The following MAML3 variants were observed in gnomAD, a reference collection of about 807,000 sequenced individuals.
MAML3 encodes mastermind-like protein 3.
Under a neutral mutation model 101.9 loss-of-function variants are expected in MAML3, and 27 were observed. The ratio of observed to expected loss-of-function variants is 0.27; its 90% CI spans 0.20 to 0.37. The LOEUF is 0.37. Ranked by LOEUF, MAML3 falls within the 10% of genes least tolerant of loss-of-function variation. MAML3 has a pLI of 1.00. For missense variants in MAML3, 1,316 were observed against 1,444.9 expected, an observed-to-expected ratio of 0.91 and a Z score of 1.45; for synonymous variants, 501 against 555.9, an observed-to-expected ratio of 0.90 and a Z score of 1.39.
At chr4:140,094,234 A>T (rs1196059178) in intron 1 of MAML3, among the ~76,000 whole-genome samples, 1 of 152,190 alleles carries the variant, frequency 6.6e-6, no homozygotes, top group African/African-American at 2.4e-5. Flanking sequence ...CCCATCATGC[A>T]TGGAAAAGGT....
chr4:140,018,089 G>A (rs1578644829), intron 1 of MAML3, among the ~76,000 whole-genome samples: 1 of 152,066 alleles, frequency 6.6e-6, no homozygotes, highest in South Asian at 2.1e-4. Context: ...AAGTCTAATT[G>A]GGTTTCTACA....
At chr4:140,143,770 C>A (rs796319444) in intron 1 of MAML3, among the ~76,000 whole-genome samples, 2 of 152,032 alleles carry the variant, frequency 1.3e-5, no homozygotes, top group African/African-American at 4.8e-5. Flanking sequence ...CAAAAAAAGA[C>A]AACCGTTCAC....
intron 1 of MAML3, among the ~76,000 whole-genome samples, chr4:140,152,584 G>C (rs546296954): frequency 6.6e-6 from 1 of 151,828 alleles, no homozygotes; most frequent in African/African-American, 2.4e-5. Context: ...ACCTCACTCC[G>C]ACGCTCCTCT....
chr4:139,887,111 G>A (rs749290568), intron 2 of MAML3, among the ~76,000 whole-genome samples: 3 of 152,068 alleles, frequency 2.0e-5, no homozygotes, highest in East Asian at 1.9e-4. Context: ...CCTGTAATTC[G>A]TGCTCGTATT....
intron 2 of MAML3, among the ~76,000 whole-genome samples, chr4:139,762,088 G>T (rs1311469150): frequency 6.6e-6 from 1 of 152,212 alleles, no homozygotes; most frequent in Non-Finnish European, 1.5e-5. Flanking sequence ...TTGCATGGAT[G>T]AAGGACTCTT....
intron 2 of MAML3, among the ~76,000 whole-genome samples, chr4:139,739,147 C>T (rs1729066565): frequency 6.6e-6 from 1 of 152,178 alleles, no homozygotes; most frequent in Non-Finnish European, 1.5e-5. Context: ...GAATTCTAGC[C>T]TAAACCAACA....
At chr4:140,060,924 T>C (rs1271139309) in intron 1 of MAML3, among the ~76,000 whole-genome samples, 1 of 152,170 alleles carries the variant, frequency 6.6e-6, no homozygotes, top group Non-Finnish European at 1.5e-5. Context: ...CTAGCTGAAA[T>C]TCAGCAGAGC....
chr4:140,085,587 C>T (rs1405216451), intron 1 of MAML3, among the ~76,000 whole-genome samples: 2 of 152,188 alleles, frequency 1.3e-5, no homozygotes, highest in Admixed American at 6.5e-5. Context: ...ATGCAAACCT[C>T]TTAGAAGGGT....
At chr4:140,116,036 C>T (rs1016399348) in intron 1 of MAML3, among the ~76,000 whole-genome samples, 2 of 151,850 alleles carry the variant, frequency 1.3e-5, no homozygotes, top group African/African-American at 4.8e-5. Flanking sequence ...CTTTAAGATC[C>T]TTTAGTTGGT....
At chr4:139,825,010 A>T (rs1245732000) in intron 2 of MAML3, among the ~76,000 whole-genome samples, 1 of 152,084 alleles carries the variant, frequency 6.6e-6, no homozygotes. Context: ...CTAAAACCTC[A>T]GGGCAGCCCC....
intron 2 of MAML3, among the ~76,000 whole-genome samples, chr4:139,755,695 G>A (rs1729634236): frequency 1.3e-5 from 2 of 152,172 alleles, no homozygotes; most frequent in South Asian, 4.1e-4. Flanking sequence ...TCAGTATTAA[G>A]TAAACATTGA....
intron 1 of MAML3, among the ~76,000 whole-genome samples, chr4:139,937,307 C>T (rs376269258): frequency 1.1e-4 from 17 of 152,202 alleles, no homozygotes; most frequent in African/African-American, 4.1e-4. Context: ...CAACAAAACA[C>T]CACAAGATTT....
chr4:140,074,540 C>A (rs1305757227), intron 1 of MAML3, among the ~76,000 whole-genome samples: 1 of 152,204 alleles, frequency 6.6e-6, no homozygotes, highest in Non-Finnish European at 1.5e-5. Context: ...TGCACCTGAC[C>A]TCATGACAGG....
chr4:140,142,770 C>T (rs1334186048), intron 1 of MAML3, among the ~76,000 whole-genome samples: 1 of 152,212 alleles, frequency 6.6e-6, no homozygotes, highest in Non-Finnish European at 1.5e-5. Flanking sequence ...GCTGTTCTTC[C>T]TGTGACATCG....
intron 1 of MAML3, among the ~76,000 whole-genome samples, chr4:139,907,110 G>C (rs1477934060): frequency 1.3e-5 from 2 of 152,192 alleles, no homozygotes; most frequent in Non-Finnish European, 2.9e-5. Flanking sequence ...ATGCTTATCA[G>C]TATTTAAAAA....
intron 2 of MAML3, among the ~76,000 whole-genome samples, chr4:139,827,687 A>G (rs1221507974): frequency 1.3e-5 from 2 of 152,228 alleles, no homozygotes; most frequent in Non-Finnish European, 2.9e-5. Flanking sequence ...CTAATAAAAC[A>G]TATTTATGAA....
intron 2 of MAML3, among the ~76,000 whole-genome samples, chr4:139,734,661 T>G (rs1728860641): frequency 6.6e-6 from 1 of 152,258 alleles, no homozygotes; most frequent in Non-Finnish European, 1.5e-5. Context: ...ACAGGCAGTT[T>G]TCGACTTCAA....
intron 1 of MAML3, among the ~76,000 whole-genome samples, chr4:140,044,408 T>C (rs927901577): frequency 2.0e-5 from 3 of 152,212 alleles, no homozygotes; most frequent in African/African-American, 7.2e-5. Flanking sequence ...CAATCGTTCA[T>C]TGAAAGTGGA....
intron 2 of MAML3, among the ~76,000 whole-genome samples, chr4:139,774,018 C>G (rs927002472): frequency 1.3e-5 from 2 of 152,166 alleles, no homozygotes; most frequent in African/African-American, 4.8e-5. Flanking sequence ...TCAAGCAAGC[C>G]ATAGCAGGCC....
Sources: gnomAD v4.1 joint callset for allele counts (sites outside exome capture counted in the v4.1 genomes callset) on GRCh38, gnomAD v4.1.1 for gene constraint, MANE v1.5 for transcripts, NCBI Gene and HGNC (gene_info 2026-07-23, HGNC 2026-07-21) for gene names.